Variants in EFNA5 observed in about 807,000 individuals in gnomAD.
EFNA5 encodes the protein ephrin-A5.
EFNA5 carries 5 observed loss-of-function variants against 22.9 expected under a neutral mutation model. The observed-to-expected ratio is 0.22, with a 90% CI of 0.11 to 0.46. The LOEUF is 0.46. EFNA5 is among the 20% of genes least tolerant of loss of function. The pLI, the probability that EFNA5 is intolerant of heterozygous loss-of-function variation, is 0.99. For missense variants in EFNA5, 237 were observed against 293.3 expected, an observed-to-expected ratio of 0.81 and a Z score of 1.40; for synonymous variants, 113 against 112.2, an observed-to-expected ratio of 1.01 and a Z score of -0.04.
rs1198359000 is a variant in EFNA5 at position 107,405,014 on chromosome 5, A to AAAATTGAT, written c.419-17244_419-17243insATCAATTT. Among the ~76,000 whole-genome samples, 24 of 152,356 alleles carry AAAATTGAT rather than the reference A, an allele frequency of 1.6e-4. No individual in the cohort carries two copies. In the East Asian group the frequency reaches 4.2e-3, roughly 27 times the overall value. On this transcript the variant is annotated intron_variant, in intron 2 of 4. Coordinates refer to ENST00000333274, the MANE Select transcript of EFNA5 (RefSeq NM_001962.3). ...TTTTAAAATTTTAGTTTTTCAAGCTACAGTAGGACTTTATGATGTGCTCCT... is the reference window on the plus strand; with the variant it reads ...TTTTAAAATTTTAGTTTTTCAAGCTAAAATTGATCAGTAGGACTTTATGATGTGCTCCT...
At chr5:107,659,480 A>C (rs916371362) in intron 1 of EFNA5, among the ~76,000 whole-genome samples, 2 of 143,552 alleles carry the variant, frequency 1.4e-5, no homozygotes, top group African/African-American at 5.1e-5. Context: ...TAAAAGTTTG[A>C]GTTTTTTGGG....
intron 2 of EFNA5, among the ~76,000 whole-genome samples, chr5:107,394,633 C>A (rs1747873787): frequency 6.6e-6 from 1 of 152,120 alleles, no homozygotes; most frequent in South Asian, 2.1e-4. Flanking sequence ...CCCATCCTAC[C>A]CACTGTTTGC....
chr5:107,628,456 C>T (rs1238326809), intron 1 of EFNA5, among the ~76,000 whole-genome samples: 2 of 152,132 alleles, frequency 1.3e-5, no homozygotes, highest in Admixed American at 6.5e-5. Flanking sequence ...TAATATTTTG[C>T]TCCACTTTCC....
Position 107,377,427 on chromosome 5 carries a change from G to A in EFNA5, c.*3828C>T, listed in dbSNP as rs928505075. 1 of 152,008 alleles carries A rather than the reference G, an allele frequency of 6.6e-6. No individual in the cohort carries two copies. The highest frequency in any genetic ancestry group is 2.4e-5 in the African/African-American group (1 of 41,364). 9.4% of individuals were successfully genotyped at this position (152,008 alleles called of 1,614,324 possible). A position where few individuals can be genotyped will look rare whatever the true frequency, so the allele number is the denominator to read the frequency against. On this transcript the variant is annotated 3_prime_UTR_variant, in exon 5 of 5. Transcript: ENST00000333274. ...TACTAAGTAAAAGGGGGGTGGTGTAGGCAAACGGGGGTGTTGGTGGAGGCG... is the reference window on the plus strand; with the variant it reads ...TACTAAGTAAAAGGGGGGTGGTGTAAGCAAACGGGGGTGTTGGTGGAGGCG...
chr5:107,501,768 C>A (rs1747142239), intron 1 of EFNA5, among the ~76,000 whole-genome samples: 1 of 152,224 alleles, frequency 6.6e-6, no homozygotes, highest in South Asian at 2.1e-4. Context: ...CCTGAATTAA[C>A]GAATGCTGAT....
At chr5:107,402,558 C>A (rs1423149014) in intron 2 of EFNA5, among the ~76,000 whole-genome samples, 1 of 152,194 alleles carries the variant, frequency 6.6e-6, no homozygotes, top group Non-Finnish European at 1.5e-5. Flanking sequence ...CACAAGAAAT[C>A]TACAGCCATC....
At chr5:107,655,294 C>A (rs1377526102) in intron 1 of EFNA5, among the ~76,000 whole-genome samples, 1 of 152,056 alleles carries the variant, frequency 6.6e-6, no homozygotes, top group African/African-American at 2.4e-5. Flanking sequence ...ATTCCCTTGA[C>A]AAATTTTAAC....
rs368040477 is a variant in EFNA5, at chr5:107,670,624, C to T, written c.-11G>A. On this transcript the variant is annotated 5_prime_UTR_variant, in exon 1 of 5. Coordinates refer to ENST00000333274, the MANE Select transcript of EFNA5 (RefSeq NM_001962.3). ...CTCCACGTGCAACATCACGCCTGGC[C>T]AGCGGCGGAGCCCCCGACGCGCCAC... The T allele has an allele frequency of 3.4e-5, 54 of 1,599,470 alleles. No homozygotes were observed. The highest frequency in any genetic ancestry group is 1.6e-4 in the Middle Eastern group (1 of 6,070).
At chr5:107,559,032 T>C (rs1392388251) in intron 1 of EFNA5, among the ~76,000 whole-genome samples, 3 of 152,236 alleles carry the variant, frequency 2.0e-5, no homozygotes, top group Non-Finnish European at 4.4e-5. Flanking sequence ...GGCGCTTAGA[T>C]GACAGAATGG....
intron 1 of EFNA5, among the ~76,000 whole-genome samples, chr5:107,659,120 G>A (rs1257602612): frequency 6.6e-6 from 1 of 152,112 alleles, no homozygotes; most frequent in African/African-American, 2.4e-5. Context: ...TCCACTGTAT[G>A]TCTCCCAGTG....
At chr5:107,408,690 C>T (rs1748284480) in intron 2 of EFNA5, among the ~76,000 whole-genome samples, 1 of 152,060 alleles carries the variant, frequency 6.6e-6, no homozygotes, top group Non-Finnish European at 1.5e-5. Context: ...GGCACAGATC[C>T]CTTCATTCTA....
Position 107,670,708 on chromosome 5 carries a change from C to G in EFNA5, c.-95G>C. 5 of 1,484,538 alleles carry G rather than the reference C, an allele frequency of 3.4e-6. No individual in the cohort carries two copies. The highest frequency in any genetic ancestry group is 4.5e-6 in the Non-Finnish European group (5 of 1,112,774). The allele number at this position is 1,484,538 out of a possible 1,614,324, so 92.0% of individuals were successfully genotyped here. ...GGCAGGCAAAGGGACAGAGAGAGAG[C>G]GGGCGCCAAATAAATATGAATAAAT... On this transcript the variant is annotated 5_prime_UTR_variant, in exon 1 of 5. Coordinates refer to ENST00000333274, the MANE Select transcript of EFNA5 (RefSeq NM_001962.3).
intron 1 of EFNA5, among the ~76,000 whole-genome samples, chr5:107,442,351 G>A (rs1749278770): frequency 6.6e-6 from 1 of 152,012 alleles, no homozygotes; most frequent in African/African-American, 2.4e-5. Context: ...ATCTCCAGGG[G>A]AGAATTTCAT....
At chr5:107,556,778 AAATAAAT>A (rs1259843893) in intron 1 of EFNA5, among the ~76,000 whole-genome samples, 13 of 115,494 alleles carry the variant, frequency 1.1e-4, no homozygotes, top group South Asian at 6.8e-4. Context: ...ATAAATAAAT[AAATAAAT>A]AAATAAAATA....
intron 1 of EFNA5, among the ~76,000 whole-genome samples, chr5:107,646,263 T>C (rs1249530271): frequency 6.6e-6 from 1 of 152,176 alleles, no homozygotes; most frequent in Non-Finnish European, 1.5e-5. Context: ...ATAAACTGAC[T>C]TCCTTGACTA....
intron 1 of EFNA5, among the ~76,000 whole-genome samples, chr5:107,554,882 G>C (rs1226258010): frequency 6.6e-6 from 1 of 152,210 alleles, no homozygotes; most frequent in Non-Finnish European, 1.5e-5. Context: ...CATCTTTGGA[G>C]GGACATTTAC....
intron 1 of EFNA5, among the ~76,000 whole-genome samples, chr5:107,627,064 T>G (rs546753313): frequency 6.6e-6 from 1 of 152,316 alleles, no homozygotes; most frequent in South Asian, 2.1e-4. Flanking sequence ...TGCTTTCTAT[T>G]AAAAAATAGG....
chr5:107,558,704 T>C (rs186090259), intron 1 of EFNA5, among the ~76,000 whole-genome samples: 57 of 152,370 alleles, frequency 3.7e-4, no homozygotes, highest in African/African-American at 1.3e-3. Flanking sequence ...GGTCAAATGC[T>C]GTGACCTAAT....
At chr5:107,391,051 CG>C (rs1208495154) in intron 2 of EFNA5, among the ~76,000 whole-genome samples, 1 of 152,046 alleles carries the variant, frequency 6.6e-6, no homozygotes, top group African/African-American at 2.4e-5. Flanking sequence ...CCCAGCTACT[CG>C]GGAGGCTAAT....
Sources: gnomAD v4.1 joint callset for allele counts (sites outside exome capture counted in the v4.1 genomes callset) on GRCh38, gnomAD v4.1.1 for gene constraint, MANE v1.5 for transcripts, NCBI Gene and HGNC (gene_info 2026-07-23, HGNC 2026-07-21) for gene names.